LRRTM4: variants seen among roughly 807,000 people sequenced by gnomAD.
LRRTM4 encodes leucine rich repeat transmembrane neuronal 4, also known as leucine-rich repeat transmembrane neuronal protein 4.
LRRTM4 carries 25 observed loss-of-function variants against 47.6 expected under a neutral mutation model. The observed-to-expected ratio is 0.53, with a 90% CI of 0.38 to 0.73. LRRTM4 has a LOEUF of 0.73. Among genes scored for constraint, LRRTM4 ranks in the 30% least tolerant of loss-of-function variants. The pLI, the probability that LRRTM4 is intolerant of heterozygous loss-of-function variation, is 0.00. For missense variants in LRRTM4, 638 were observed against 713.4 expected, an observed-to-expected ratio of 0.89 and a Z score of 1.20; for synonymous variants, 311 against 269.5, an observed-to-expected ratio of 1.15 and a Z score of -1.51.
intron 3 of LRRTM4, among the ~76,000 whole-genome samples, chr2:77,488,174 T>C (rs928759235): frequency 6.6e-6 from 1 of 152,100 alleles, no homozygotes; most frequent in Admixed American, 6.5e-5. Context: ...GACACCTTCT[T>C]TGGGGCTCTT....
chr2:77,102,004 G>A (rs564429239), intron 3 of LRRTM4, among the ~76,000 whole-genome samples: 11 of 152,258 alleles, frequency 7.2e-5, no homozygotes, highest in South Asian at 2.1e-4. Context: ...GGAACTAAGC[G>A]GATATTGCAG....
intron 3 of LRRTM4, among the ~76,000 whole-genome samples, chr2:76,926,661 G>T (rs1159298955): frequency 6.6e-6 from 1 of 152,106 alleles, no homozygotes; most frequent in Non-Finnish European, 1.5e-5. Flanking sequence ...CTTATCAAAG[G>T]ATGAGTCTGA....
chr2:76,924,858 A>T (rs945622362), intron 3 of LRRTM4, among the ~76,000 whole-genome samples: 4 of 152,082 alleles, frequency 2.6e-5, no homozygotes, highest in African/African-American at 9.7e-5. Flanking sequence ...CATTGTGTTA[A>T]AACTTTCAAT....
chr2:77,051,544 A>C (rs183259234), intron 3 of LRRTM4, among the ~76,000 whole-genome samples: 37 of 152,280 alleles, frequency 2.4e-4, no homozygotes, highest in African/African-American at 8.9e-4. Flanking sequence ...ACTGAAGCCA[A>C]AATACATTAA....
chr2:76,755,558 C>T (rs150991653), intron 3 of LRRTM4, among the ~76,000 whole-genome samples: 1 of 152,082 alleles, frequency 6.6e-6, no homozygotes, highest in African/African-American at 2.4e-5. Flanking sequence ...TCTAGCATAT[C>T]GTTCGATGCA....
chr2:77,053,316 TAGTTTAATA>T (rs1368457821), intron 3 of LRRTM4, among the ~76,000 whole-genome samples: 8 of 152,094 alleles, frequency 5.3e-5, no homozygotes, highest in African/African-American at 1.9e-4. Flanking sequence ...CAAAATTTAA[TAGTTTAATA>T]AGACAACAAT....
chr2:76,860,023 T>C (rs1672265226), intron 3 of LRRTM4, among the ~76,000 whole-genome samples: 1 of 152,168 alleles, frequency 6.6e-6, no homozygotes, highest in Admixed American at 6.6e-5. Flanking sequence ...TTACCATCCA[T>C]GGGGGTCTTT....
chr2:76,863,324 T>C (rs2104017487), intron 3 of LRRTM4, among the ~76,000 whole-genome samples: 1 of 152,328 alleles, frequency 6.6e-6, no homozygotes, highest in Admixed American at 6.5e-5. Context: ...AAGTATTTCC[T>C]CACTTTTTAA....
intron 3 of LRRTM4, among the ~76,000 whole-genome samples, chr2:76,915,195 TGA>T (rs1674202343): frequency 6.6e-6 from 1 of 151,860 alleles, no homozygotes; most frequent in African/African-American, 2.4e-5. Flanking sequence ...TTGATTGGAG[TGA>T]GAGTAGTGAG....
chr2:77,435,948 ATAAT>A (rs1380297186), intron 3 of LRRTM4, among the ~76,000 whole-genome samples: 1 of 152,186 alleles, frequency 6.6e-6, no homozygotes, highest in Non-Finnish European at 1.5e-5. Context: ...GATTAATGGT[ATAAT>A]TAGAGAATTA....
rs114572742 is a variant in LRRTM4, at chr2:77,051,243, C to T, written c.1552-302327G>A. 6.2e-3 allele frequency among the ~76,000 whole-genome samples: 935 copies of T among 151,954 alleles called. 13 individuals are homozygous for T. Among genetic ancestry groups the T allele is most frequent in the African/African-American group, 0.022 (898 of 41,428 alleles). On this transcript the variant is annotated intron_variant, in intron 3 of 3. Transcript: ENST00000409884. ...CAACAAAGAACTATCTAGTTCAAAA[C>T]GTTGGTAGTGCAAGTTTCAGAAACC...
intron 3 of LRRTM4, among the ~76,000 whole-genome samples, chr2:77,115,331 T>C (rs954367176): frequency 2.0e-5 from 3 of 152,202 alleles, no homozygotes; most frequent in Non-Finnish European, 4.4e-5. Context: ...ACTGGTTTCA[T>C]ATTGTTCAAA....
intron 3 of LRRTM4, among the ~76,000 whole-genome samples, chr2:77,159,818 G>T (rs1243821941): frequency 2.0e-5 from 3 of 152,128 alleles, no homozygotes; most frequent in African/African-American, 4.8e-5. Context: ...CTCTAAAAAT[G>T]TTTCTGTATG....
At chr2:77,370,330 G>A (rs1327723427) in intron 3 of LRRTM4, among the ~76,000 whole-genome samples, 2 of 151,750 alleles carry the variant, frequency 1.3e-5, no homozygotes, top group Non-Finnish European at 2.9e-5. Context: ...CATGAAAGGA[G>A]TAGAAAATAG....
At chr2:76,756,026 G>T (rs2104067165) in intron 3 of LRRTM4, among the ~76,000 whole-genome samples, 1 of 152,168 alleles carries the variant, frequency 6.6e-6, no homozygotes, top group East Asian at 1.9e-4. Context: ...ATGCTTTGTG[G>T]CAATAAGATA....
chr2:76,890,113 G>A (rs1485231653), intron 3 of LRRTM4, among the ~76,000 whole-genome samples: 3 of 151,894 alleles, frequency 2.0e-5, no homozygotes, highest in East Asian at 3.9e-4. Context: ...AAAGCAAGAC[G>A]GAATCTGAGA....
chr2:77,199,772 G>C (rs1006866688), intron 3 of LRRTM4, among the ~76,000 whole-genome samples: 2 of 151,968 alleles, frequency 1.3e-5, no homozygotes, highest in Non-Finnish European at 2.9e-5. Flanking sequence ...TAAAAAGAAG[G>C]CTTCTTCATT....
At chr2:76,955,155 A>C (rs1028768941) in intron 3 of LRRTM4, among the ~76,000 whole-genome samples, 1 of 151,894 alleles carries the variant, frequency 6.6e-6, no homozygotes, top group African/African-American at 2.4e-5. Flanking sequence ...GCTCACTGAT[A>C]AGGGTAAATT....
At chr2:77,010,514 AC>A (rs1677833102) in intron 3 of LRRTM4, among the ~76,000 whole-genome samples, 1 of 86,268 alleles carries the variant, frequency 1.2e-5, no homozygotes, top group Non-Finnish European at 2.6e-5. Context: ...ACACACACAC[AC>A]ACACACACAC....
Sources: allele counts gnomAD v4.1 joint callset (sites outside exome capture counted in the v4.1 genomes callset), GRCh38; gene constraint gnomAD v4.1.1; transcripts MANE v1.5; gene names NCBI Gene and HGNC (gene_info 2026-07-23, HGNC 2026-07-21).